TBC1D23: variants seen among roughly 807,000 people sequenced by gnomAD.
TBC1D23 encodes the protein TBC1 domain family member 23.
In TBC1D23, 55 loss-of-function variants were observed where a neutral mutation model predicts 91.4. That is an observed-to-expected ratio of 0.60 (90% CI 0.48 to 0.75). The LOEUF (loss-of-function observed/expected upper bound fraction) is 0.75, where lower values mean the gene tolerates loss of function less well. TBC1D23 is among the 30% of genes least tolerant of loss of function. TBC1D23 has a pLI of 0.00. For synonymous variants in TBC1D23, 289 were observed against 281.0 expected (o/e 1.03, Z -0.28); for missense variants, 725 against 836.1 (o/e 0.87, Z 1.64).
At chr3:100,316,575 G>A (rs1705749224) in intron 16 of TBC1D23, among the ~76,000 whole-genome samples, 2 of 152,112 alleles carry the variant, frequency 1.3e-5, no homozygotes, top group Admixed American at 6.6e-5. Context: ...GGCTATCAGT[G>A]TGGAAATAGT....
chr3:100,302,017 T>C lies in TBC1D23; in HGVS notation c.1093-50T>C, dbSNP rs41272631. The C allele has an allele frequency of 5.7e-3, 8,285 of 1,450,762 alleles. 33 individuals carry two copies. Among genetic ancestry groups the C allele is most frequent in the South Asian group, 6.5e-3 (487 of 74,636 alleles). The allele number at this position is 1,450,762 out of a possible 1,614,324, so 89.9% of individuals were successfully genotyped here. A position where few individuals can be genotyped will look rare whatever the true frequency, so the allele number is the denominator to read the frequency against. On this transcript the variant is annotated intron_variant, in intron 10 of 18. Coordinates refer to ENST00000394144, the MANE Select transcript of TBC1D23 (RefSeq NM_001199198.3). The stretch of plus-strand genomic sequence containing the variant: ...AAAAAAAATTTCAAATTTACAAATA[T>C]ATGTGAAACACAGGCTTGTCAAGTT...
At chr3:100,289,295 A>G (rs67403774) in intron 4 of TBC1D23, among the ~76,000 whole-genome samples, 37,019 of 152,128 alleles carry the variant, frequency 0.24, 4,866 homozygotes, top group East Asian at 0.49. Context: ...AATATCTGGT[A>G]TCTTTTAAGA....
chr3:100,302,099 A>C lies in TBC1D23; in HGVS notation c.1125A>C (p.Ser375=). ...AGAATCCATCTGAGTTTGCACAGTCAGTAAAATCCTTGCTGGAAGCACAGA... is the reference window on the plus strand; with the variant it reads ...AGAATCCATCTGAGTTTGCACAGTCCGTAAAATCCTTGCTGGAAGCACAGA... ...MLQNPSEFAQ[S]VKSLLEAQKQ... Residue 375 remains serine, a synonymous_variant, in exon 11 of 19, where the codon TCA becomes TCC. Coordinates refer to ENST00000394144, the MANE Select transcript of TBC1D23 (RefSeq NM_001199198.3). 6.2e-7 allele frequency: 1 copy of C among 1,613,672 alleles called. No individual in the cohort carries two copies. The highest frequency in any genetic ancestry group is 1.1e-5 in the South Asian group (1 of 90,970).
At position 100,302,091 on chromosome 3, in the gene TBC1D23, GCA is replaced by G. The variant is rs1705444148; in HGVS notation, c.1120_1121del (p.Gln374ValfsTer14). On this transcript the variant is annotated frameshift_variant, in exon 11 of 19. Transcript: ENST00000394144. LOFTEE classifies it high-confidence loss of function. ...DLMLQNPSEF[A>X]QSVKSLLEAQ... ...GATGCTTCAGAATCCATCTGAGTTT[GCA>G]CAGTCAGTAAAATCCTTGCTGGAAG... The G allele has an allele frequency of 1.2e-6, 2 of 1,612,866 alleles. No individual in the cohort carries two copies. Among genetic ancestry groups the G allele is most frequent in the African/African-American group, 1.3e-5 (1 of 74,858 alleles).
chr3:100,315,154 CTTTTTTTTT>C (rs397705981), intron 15 of TBC1D23, among the ~76,000 whole-genome samples: 30 of 73,672 alleles, frequency 4.1e-4, no homozygotes, highest in East Asian at 1.9e-3. Flanking sequence ...GAGGCAGATT[CTTTTTTTTT>C]TTTTTTTTTT....
intron 9 of TBC1D23, among the ~76,000 whole-genome samples, chr3:100,298,720 T>C (rs1357923401): frequency 1.3e-5 from 2 of 152,226 alleles, no homozygotes; most frequent in African/African-American, 2.4e-5. Context: ...TTCAAACTAA[T>C]ATTTAAAAAC....
intron 6 of TBC1D23, 21 bp downstream of exon 6, chr3:100,295,232 A>T (rs2067828050): frequency 1.3e-6 from 2 of 1,594,634 alleles, no homozygotes; most frequent in Non-Finnish European, 8.5e-7. Flanking sequence ...GGTTGGTTAG[A>T]TTTTTTTTCC....
chr3:100,300,340 GC>G (rs1334838484), intron 10 of TBC1D23, among the ~76,000 whole-genome samples: 1 of 152,028 alleles, frequency 6.6e-6, no homozygotes, highest in African/African-American at 2.4e-5. Context: ...GTGTGAAAGG[GC>G]CTAGGTAATA....
chr3:100,267,003 G>A (rs997001347), intron 1 of TBC1D23, among the ~76,000 whole-genome samples: 13 of 152,172 alleles, frequency 8.5e-5, no homozygotes, highest in African/African-American at 3.1e-4. Flanking sequence ...TGCTGTGTAA[G>A]GTTTTAGAAA....
At chr3:100,289,316 A>G (rs538023686) in intron 4 of TBC1D23, among the ~76,000 whole-genome samples, 9 of 152,212 alleles carry the variant, frequency 5.9e-5, no homozygotes, top group Non-Finnish European at 1.3e-4. Context: ...GTTTTTTTCC[A>G]TGAAGTATTC....
chr3:100,275,467 T>C (rs2067641211), intron 1 of TBC1D23, among the ~76,000 whole-genome samples: 1 of 152,152 alleles, frequency 6.6e-6, no homozygotes, highest in African/African-American at 2.4e-5. Context: ...TTTGTACTTT[T>C]TGTGGAAATG....
chr3:100,269,009 G>A (rs189168616), intron 1 of TBC1D23, among the ~76,000 whole-genome samples: 37 of 152,184 alleles, frequency 2.4e-4, no homozygotes, highest in Middle Eastern at 3.4e-3. Context: ...AGAGAAAAGG[G>A]CACCGTTGGT....
At chr3:100,270,919 G>A (rs1287400315) in intron 1 of TBC1D23, among the ~76,000 whole-genome samples, 1 of 151,918 alleles carries the variant, frequency 6.6e-6, no homozygotes. Flanking sequence ...CTGCATTTAA[G>A]TGTAGAGTGA....
intron 1 of TBC1D23, chr3:100,261,577 G>A (rs1287754050): frequency 1.3e-5 from 2 of 153,086 alleles, no homozygotes; most frequent in Non-Finnish European, 2.9e-5. Context: ...CTGTTATCTC[G>A]TTTTGCATTC....
At chr3:100,289,283 C>T (rs1157666567) in intron 4 of TBC1D23, among the ~76,000 whole-genome samples, 1 of 152,046 alleles carries the variant, frequency 6.6e-6, no homozygotes, top group East Asian at 1.9e-4. Flanking sequence ...GATCCACTAC[C>T]AAATATCTGG....
chr3:100,292,659 G>A (rs1391911904), intron 5 of TBC1D23, among the ~76,000 whole-genome samples: 2 of 152,178 alleles, frequency 1.3e-5, no homozygotes, highest in Admixed American at 6.5e-5. Flanking sequence ...CAGTGCAGTG[G>A]CACAGTCTTG....
chr3:100,303,586 C>T (rs1480572604), intron 11 of TBC1D23, among the ~76,000 whole-genome samples: 2 of 152,048 alleles, frequency 1.3e-5, no homozygotes, highest in Admixed American at 6.5e-5. Flanking sequence ...CCCTGGGCAA[C>T]ATAATGAGAC....
At chr3:100,292,918 C>G (rs1201078052) in intron 5 of TBC1D23, among the ~76,000 whole-genome samples, 1 of 151,942 alleles carries the variant, frequency 6.6e-6, no homozygotes, top group African/African-American at 2.4e-5. Flanking sequence ...TGTAGCTTCT[C>G]TGAGATTCAT....
Position 100,323,609 on chromosome 3 carries a change from G to T in TBC1D23, c.2041G>T (p.Asp681Tyr). ...TAGGTATTTGATTCCAAATGCAGGG[G>T]ATGCAACTAAAGCCATAAAACAGCA... The part of the protein sequence containing the change: ...IERYLIPNAG[D>Y]ATKAIKQQIM... Residue 681 changes from aspartate to tyrosine, a missense_variant, in exon 19 of 19, where the codon GAT (aspartate) becomes TAT (tyrosine). Coordinates refer to ENST00000394144, the MANE Select transcript of TBC1D23 (RefSeq NM_001199198.3). The T allele has an allele frequency of 6.6e-7, 1 of 1,521,274 alleles. No homozygotes were observed. Among genetic ancestry groups the T allele is most frequent in the Non-Finnish European group, 8.8e-7 (1 of 1,134,118 alleles). 94.2% of individuals were successfully genotyped at this position (1,521,274 alleles called of 1,614,324 possible).
Sources: allele counts gnomAD v4.1 joint callset (sites outside exome capture counted in the v4.1 genomes callset), GRCh38; gene constraint gnomAD v4.1.1; transcripts MANE v1.5; gene names NCBI Gene and HGNC (gene_info 2026-07-23, HGNC 2026-07-21).